ARMCX4: variants seen among roughly 807,000 people sequenced by gnomAD.
ARMCX4 encodes the protein armadillo repeat containing X-linked 4.
Under a neutral mutation model 34.7 loss-of-function variants are expected in ARMCX4, and 3 were observed. That is an observed-to-expected ratio of 0.09 (90% CI 0.04 to 0.22). The LOEUF is 0.22. Ranked by LOEUF, ARMCX4 falls within the 10% of genes least tolerant of loss-of-function variation. The pLI, the probability that ARMCX4 is intolerant of heterozygous loss-of-function variation, is 1.00. For synonymous variants in ARMCX4, 513 were observed against 632.8 expected (o/e 0.81, Z 2.84); for missense variants, 1,448 against 1,720.8 (o/e 0.84, Z 2.81).
chrX:101,424,037 ATTTT>A (rs1166827972), intron 2 of ARMCX4, among the ~76,000 whole-genome samples: 5 of 110,163 alleles, frequency 4.5e-5, no homozygotes, highest in African/African-American at 1.7e-4. Context: ...CAAATTTTGT[ATTTT>A]TAGTAGAGAC....
At chrX:101,509,483 C>A (rs1556015912) in intron 9 of ARMCX4, 1 of 111,724 alleles carries the variant, frequency 9.0e-6, no homozygotes, top group African/African-American at 3.3e-5. Context: ...AAGCAAACAG[C>A]ATACAGTATT....
In ARMCX4 at chrX:101,494,444, C is replaced by T. The variant is rs1664409508; in HGVS notation, c.5855C>T (p.Ala1952Val). Residue 1952 changes from alanine to valine, a missense_variant, in exon 6 of 6, where the codon GCT (alanine) becomes GTT (valine). Transcript: ENST00000423738. Reference protein sequence around the residue: ...GGVDIGSWFCAGNENTSEDKS... With the variant: ...GGVDIGSWFCVGNENTSEDKS... ...GTTGATATAGGGTCTTGGTTCTGTGCTGGTAATGAAAACACAAGTGAGGAC... is the reference window on the plus strand; with the variant it reads ...GTTGATATAGGGTCTTGGTTCTGTGTTGGTAATGAAAACACAAGTGAGGAC... The T allele has an allele frequency of 8.7e-7, 1 of 1,155,291 alleles. No homozygotes were observed. Among genetic ancestry groups the T allele is most frequent in the Non-Finnish European group, 1.1e-6 (1 of 872,661 alleles).
In ARMCX4 at chrX:101,423,812, C is replaced by T. The variant is rs1402749526; in HGVS notation, n.164+4812C>T. ...TGAAGGTTAAATTGACTAGCAGTGG[C>T]CAATGATGTAATCAATCATGCCTAC... On this transcript the variant is annotated intron_variant and non_coding_transcript_variant, in intron 2 of 3. Transcript: ENST00000430461. Among the ~76,000 whole-genome samples the T allele has an allele frequency of 2.7e-5, 3 of 110,021 alleles. No homozygotes were observed. The Admixed American group carries it at 2.9e-4, about 11-fold the overall frequency.
chrX:101,426,185 G>A (rs2147514208), intron 2 of ARMCX4, among the ~76,000 whole-genome samples: 1 of 111,148 alleles, frequency 9.0e-6, no homozygotes, highest in Non-Finnish European at 1.9e-5. Flanking sequence ...GGGTCTGTAG[G>A]GAGTGAGTGG....
intron 11 of ARMCX4, among the ~76,000 whole-genome samples, chrX:101,515,288 C>A (rs1293554445): frequency 7.4e-5 from 8 of 108,636 alleles, no homozygotes; most frequent in African/African-American, 2.7e-4. Context: ...GTATTTTTTT[C>A]TTTTCTGTTT....
At chrX:101,472,841 C>T (rs1167856627) in intron 4 of ARMCX4, among the ~76,000 whole-genome samples, 2 of 94,001 alleles carry the variant, frequency 2.1e-5, no homozygotes, top group African/African-American at 8.6e-5. Context: ...CGGTACCAGC[C>T]GCTGCAAAAT....
At chrX:101,453,051 C>T (rs1301938577) in intron 4 of ARMCX4, among the ~76,000 whole-genome samples, 2 of 109,995 alleles carry the variant, frequency 1.8e-5, no homozygotes, top group African/African-American at 3.3e-5. Context: ...ACAGTTAGAA[C>T]GGTTAGATAG....
chrX:101,492,759 T>C lies in ARMCX4; in HGVS notation c.4170T>C (p.Pro1390=). 1 of 1,148,835 alleles carries C rather than the reference T, an allele frequency of 8.7e-7. No individual in the cohort carries two copies. The highest frequency in any genetic ancestry group is 1.9e-5 in the South Asian group (1 of 51,697). 94.7% of individuals were successfully genotyped at this position (1,148,835 alleles called of 1,213,427 possible). A position where few individuals can be genotyped will look rare whatever the true frequency, so the allele number is the denominator to read the frequency against. Residue 1390 remains proline, a synonymous_variant, in exon 6 of 6, where the codon CCT becomes CCC. Transcript: ENST00000423738. The part of the protein sequence containing the change: ...TLDQSGGGSK[P]RFENQTTEEG... ...ATCAGTCTGGTGGTGGGTCCAAGCC[T>C]AGATTTGAAAATCAGACCACAGAAG...
chrX:101,477,164 G>T (rs181953644), intron 4 of ARMCX4, among the ~76,000 whole-genome samples: 26 of 110,024 alleles, frequency 2.4e-4, no homozygotes, highest in African/African-American at 7.9e-4. Context: ...TTCAGGCCGG[G>T]CATGGTGGCT....
rs1182211299 is a variant in ARMCX4, at chrX:101,470,533, G to A, written c.-472-15490G>A. Among the ~76,000 whole-genome samples the A allele has an allele frequency of 2.7e-5, 3 of 110,942 alleles. No homozygotes were observed. In the East Asian group the frequency reaches 8.5e-4, roughly 31 times the overall value. On this transcript the variant is annotated intron_variant and NMD_transcript_variant, in intron 4 of 15. Coordinates refer to the ARMCX4 transcript ENST00000433011. ...GGGGTATCACCACATTGGCCAGGCT[G>A]GTCTCAAACTCCTGAGCTCAAGCAA...
chrX:101,500,927 C>A (rs1394976825), intron 7 of ARMCX4, among the ~76,000 whole-genome samples: 1 of 111,924 alleles, frequency 8.9e-6, no homozygotes, highest in African/African-American at 3.2e-5. Context: ...ACATTGGAGG[C>A]CTTAGTAAGG....
Position 101,495,181 on chromosome X carries a change from A to G in ARMCX4, c.6592A>G (p.Lys2198Glu), listed in dbSNP as rs1556011522. Reference sequence around the variant, plus strand: ...TTTCTCTAAAAATCCATCTATGACAAAAGACTTGCTCATTGCCAATGCACC... The same window carrying G: ...TTTCTCTAAAAATCCATCTATGACAGAAGACTTGCTCATTGCCAATGCACC... ...LNFSKNPSMT[K>E]DLLIANAPTS... Residue 2198 changes from lysine (K) to glutamate (E), a missense_variant, in exon 6 of 6, where the codon AAA becomes GAA. This residue lies in a region of ARMCX4 where 105 missense variants were observed against 180.2 expected (regional missense o/e 0.58). Transcript: ENST00000423738. 8.7e-7 allele frequency: 1 copy of G among 1,153,938 alleles called. No individual in the cohort carries two copies. The highest frequency in any genetic ancestry group is 3.2e-5 in the East Asian group (1 of 30,798).
intron 1 of ARMCX4, chrX:101,418,398 G>T (rs1349745469): frequency 2.7e-5 from 3 of 112,650 alleles, no homozygotes; most frequent in African/African-American, 9.7e-5. Context: ...GAGGGGTCGG[G>T]TGTCCGCGGA....
At chrX:101,523,296 A>G (rs1328169003) in intron 11 of ARMCX4, among the ~76,000 whole-genome samples, 2 of 112,028 alleles carry the variant, frequency 1.8e-5, no homozygotes, top group Non-Finnish European at 3.8e-5. Flanking sequence ...GCCCAAGGCT[A>G]TGCCCTTGAA....
At position 101,490,937 on chromosome X, in the gene ARMCX4, G is replaced by C. The variant is rs1306131499; in HGVS notation, c.2348G>C (p.Gly783Ala). 6 of 1,142,841 alleles carry C rather than the reference G, an allele frequency of 5.3e-6. No individual in the cohort carries two copies. Among genetic ancestry groups the C allele is most frequent in the Non-Finnish European group, 6.9e-6 (6 of 868,487 alleles). The allele number at this position is 1,142,841 out of a possible 1,213,427, so 94.2% of individuals were successfully genotyped here. A position where few individuals can be genotyped will look rare whatever the true frequency, so the allele number is the denominator to read the frequency against. Reference sequence around the variant, plus strand: ...GTGTCTAAGGCAGAAGCTGGGATGGGTGCAACAGGCTCTGTCCAGCCCCAG... The same window carrying C: ...GTGTCTAAGGCAGAAGCTGGGATGGCTGCAACAGGCTCTGTCCAGCCCCAG... Reference protein sequence around the residue: ...NAVSKAEAGMGATGSVQPQAV... With the variant: ...NAVSKAEAGMAATGSVQPQAV... The change falls in exon 6 of 6, where the codon GGT (glycine) becomes GCT (alanine). Residue 783 changes from glycine to alanine, a missense_variant. Physicochemically the swap from Gly to Ala is moderately conservative, Grantham distance 60 (BLOSUM62 0). Around this residue, in one of 2 missense-constraint regions of ARMCX4, gnomAD observed 1,343 missense variants for 1,540.7 expected, o/e 0.87. Coordinates refer to ENST00000423738, the MANE Select transcript of ARMCX4 (RefSeq NM_001256155.3).
upstream of ARMCX4, among the ~76,000 whole-genome samples, chrX:101,482,472 T>C (rs782124215): frequency 4.6e-4 from 51 of 110,907 alleles, no homozygotes; most frequent in African/African-American, 1.7e-3. Context: ...TAGTTCACTG[T>C]AACCTTGAAT....
At chrX:101,430,267 T>C (rs374111502) in intron 2 of ARMCX4, among the ~76,000 whole-genome samples, 5 of 112,351 alleles carry the variant, frequency 4.5e-5, no homozygotes, top group African/African-American at 1.6e-4. Flanking sequence ...TTTTAGCTAG[T>C]TGTGCTATTT....
At chrX:101,443,718 C>T (rs3027567) in intron 2 of ARMCX4, 21,641 of 265,421 alleles carry the variant, frequency 0.082, 943 homozygotes, top group South Asian at 0.26. Flanking sequence ...TAGTTCTTGT[C>T]GGTCTTGCCA....
At chrX:101,508,773 T>C (rs1283924310) in intron 8 of ARMCX4, among the ~76,000 whole-genome samples, 2 of 111,810 alleles carry the variant, frequency 1.8e-5, no homozygotes, top group Non-Finnish European at 3.8e-5. Context: ...AACATACTTA[T>C]ATTGTTTCTT....
Sources: gnomAD v4.1 joint callset for allele counts (sites outside exome capture counted in the v4.1 genomes callset) on GRCh38, gnomAD v4.1.1 for gene constraint, gnomAD v4.1.1 regional missense constraint, MANE v1.5 for transcripts, NCBI Gene and HGNC (gene_info 2026-07-23, HGNC 2026-07-21) for gene names.